PDE8B: variants seen among roughly 807,000 people sequenced by gnomAD.
PDE8B encodes phosphodiesterase 8B.
A neutral mutation model predicts 101.3 loss-of-function variants in PDE8B; 26 were observed. The ratio of observed to expected loss-of-function variants is 0.26; its 90% CI spans 0.19 to 0.36. The LOEUF (loss-of-function observed/expected upper bound fraction) is 0.36. Among genes scored for constraint, PDE8B ranks in the 10% least tolerant of loss-of-function variants. The probability of loss-of-function intolerance (pLI) is 1.00; values close to 1 mark genes in which losing one functional copy is unlikely to be tolerated. For missense variants in PDE8B, 810 were observed against 1,163.1 expected (o/e 0.70, Z 4.42); for synonymous variants, 424 against 429.3 (o/e 0.99, Z 0.15).
At chr5:77,406,396 G>C (rs1244615388) in intron 12 of PDE8B, among the ~76,000 whole-genome samples, 1 of 152,228 alleles carries the variant, frequency 6.6e-6, no homozygotes, top group Non-Finnish European at 1.5e-5. Flanking sequence ...ATAATATAAA[G>C]AGAATATGAA....
chr5:77,094,297 G>A, the PDE8B span, among the ~76,000 whole-genome samples: 6 of 152,004 alleles, frequency 3.9e-5, no homozygotes, highest in African/African-American at 1.5e-4. Flanking sequence ...ATTAACTGAA[G>A]AAAAATGGGT....
chr5:77,195,356 G>T, the PDE8B span, among the ~76,000 whole-genome samples: 1 of 152,202 alleles, frequency 6.6e-6, no homozygotes, highest in African/African-American at 2.4e-5. Flanking sequence ...TCCAACACAT[G>T]AATTTTGGGG....
At chr5:77,379,750 A>G (rs749427354) in intron 10 of PDE8B, among the ~76,000 whole-genome samples, 11 of 152,182 alleles carry the variant, frequency 7.2e-5, no homozygotes, top group Non-Finnish European at 7.3e-5. Context: ...AATAGAAAAG[A>G]TCTTTGATCT....
Position 77,216,489 on chromosome 5 carries a change from G to A in PDE8B, c.339+5225G>A, listed in dbSNP as rs201803405. 5.3e-5 allele frequency among the ~76,000 whole-genome samples: 8 copies of A among 152,242 alleles called. No individual in the cohort carries two copies. In the East Asian group the frequency reaches 1.4e-3, roughly 26 times the overall value. ...TCGTGAGACTTATTCACTATCATGA[G>A]AACAGTAAGGGGGGAACTGCCCCAT... On this transcript the variant is annotated intron_variant, in intron 1 of 21. Coordinates refer to ENST00000264917, the MANE Select transcript of PDE8B (RefSeq NM_003719.5).
chr5:77,409,476 A>G (rs1347729271), intron 14 of PDE8B, among the ~76,000 whole-genome samples: 2 of 152,150 alleles, frequency 1.3e-5, no homozygotes, highest in African/African-American at 4.8e-5. Context: ...ATAGCATTTA[A>G]TCTTAACTAT....
At chr5:77,380,027 T>G (rs909893977) in intron 10 of PDE8B, among the ~76,000 whole-genome samples, 4 of 152,240 alleles carry the variant, frequency 2.6e-5, no homozygotes, top group Non-Finnish European at 5.9e-5. Context: ...TAAAAGTGCT[T>G]AATAAGTCAA....
At chr5:77,212,822 G>A (rs148939583) in intron 1 of PDE8B, among the ~76,000 whole-genome samples, 57 of 152,308 alleles carry the variant, frequency 3.7e-4, no homozygotes, top group African/African-American at 1.3e-3. Flanking sequence ...TAAATTTGGT[G>A]AAAATATTAA....
chr5:77,283,852 A>G (rs1025847114), intron 1 of PDE8B, among the ~76,000 whole-genome samples: 2 of 152,224 alleles, frequency 1.3e-5, no homozygotes, highest in Non-Finnish European at 2.9e-5. Context: ...GTAAATATCA[A>G]GGAATGCAAT....
chr5:77,110,710 A>T, the PDE8B span, among the ~76,000 whole-genome samples: 11 of 152,234 alleles, frequency 7.2e-5, no homozygotes, highest in African/African-American at 2.7e-4. Context: ...CGATGAAGTC[A>T]GCAGTTTCAA....
chr5:77,240,927 A>G (rs764284231), intron 1 of PDE8B, among the ~76,000 whole-genome samples: 2 of 152,226 alleles, frequency 1.3e-5, no homozygotes, highest in African/African-American at 4.8e-5. Context: ...GTTTTCCTAA[A>G]TAAGCATGTT....
chr5:77,207,511 G>A (rs1747596750), upstream of PDE8B, among the ~76,000 whole-genome samples: 1 of 152,008 alleles, frequency 6.6e-6, no homozygotes, highest in South Asian at 2.1e-4. Flanking sequence ...ATTTTCTGTT[G>A]CTAAATTTTT....
At chr5:77,214,819 A>T (rs1749303161) in intron 1 of PDE8B, among the ~76,000 whole-genome samples, 1 of 152,220 alleles carries the variant, frequency 6.6e-6, no homozygotes, top group Non-Finnish European at 1.5e-5. Flanking sequence ...CTGATTTAGT[A>T]GGTCTTGGGT....
At chr5:77,294,157 C>T (rs1768007672) in intron 1 of PDE8B, among the ~76,000 whole-genome samples, 1 of 152,146 alleles carries the variant, frequency 6.6e-6, no homozygotes, top group Non-Finnish European at 1.5e-5. Context: ...TGTAAATTGA[C>T]AGAGCACACA....
chr5:77,163,467 A>T, the PDE8B span, among the ~76,000 whole-genome samples: 9 of 152,270 alleles, frequency 5.9e-5, no homozygotes, highest in African/African-American at 2.2e-4. Flanking sequence ...GACTAAAAAA[A>T]GGTGGTTATC....
intron 1 of PDE8B, among the ~76,000 whole-genome samples, chr5:77,240,665 C>A (rs765256918): frequency 1.8e-4 from 28 of 152,046 alleles, no homozygotes; most frequent in Admixed American, 7.2e-4. Flanking sequence ...AGTGTTATAC[C>A]CACACTAATT....
At chr5:77,203,886 T>TG in the PDE8B span, among the ~76,000 whole-genome samples, 2 of 152,178 alleles carry the variant, frequency 1.3e-5, no homozygotes, top group Admixed American at 1.3e-4. Flanking sequence ...AAGGTGTGCA[T>TG]GCAGGCAGGA....
chr5:77,109,905 A>AT, the PDE8B span, among the ~76,000 whole-genome samples: 2 of 99,516 alleles, frequency 2.0e-5, no homozygotes, highest in South Asian at 6.6e-4. Context: ...ACTAAAACAT[A>AT]TTTTACTGCC....
At chr5:77,150,758 A>T in the PDE8B span, among the ~76,000 whole-genome samples, 1 of 152,204 alleles carries the variant, frequency 6.6e-6, no homozygotes, top group Non-Finnish European at 1.5e-5. Context: ...TATACTAGCT[A>T]CTATGAAGTG....
At chr5:77,423,632 G>GTTTTGTTTT (rs1797209696) in intron 20 of PDE8B, among the ~76,000 whole-genome samples, 1 of 74,042 alleles carries the variant, frequency 1.4e-5, no homozygotes. Flanking sequence ...GTTTTGTTTA[G>GTTTTGTTTT]TTTTTTTTTT....
Sources: gnomAD v4.1 joint callset for allele counts (sites outside exome capture counted in the v4.1 genomes callset) on GRCh38, gnomAD v4.1.1 for gene constraint, MANE v1.5 for transcripts, NCBI Gene and HGNC (gene_info 2026-07-23, HGNC 2026-07-21) for gene names.